The following VPS8 variants were observed in gnomAD, a reference collection of about 807,000 sequenced individuals.
VPS8 encodes vacuolar protein sorting-associated protein 8 homolog.
A neutral mutation model predicts 216.4 loss-of-function variants in VPS8; 129 were observed. The observed-to-expected ratio is 0.60, with a 90% CI of 0.52 to 0.69. VPS8 has a LOEUF of 0.69. Ranked by LOEUF, VPS8 falls within the 30% of genes least tolerant of loss-of-function variation. The pLI, the probability that VPS8 is intolerant of heterozygous loss-of-function variation, is 0.00. For synonymous variants in VPS8, 571 were observed against 565.4 expected (o/e 1.01, Z -0.14); for missense variants, 1,531 against 1,683.5 (o/e 0.91, Z 1.59).
chr3:184,907,553 T>C (rs1480939819), intron 25 of VPS8, among the ~76,000 whole-genome samples: 2 of 152,190 alleles, frequency 1.3e-5, no homozygotes, highest in East Asian at 1.9e-4. Context: ...CTTTCACAAG[T>C]CTCTCCCAGC....
In VPS8 at chr3:185,013,418, C is replaced by G. The variant is rs561481875; in HGVS notation, c.4003-10918C>G. On this transcript the variant is annotated intron_variant, in intron 45 of 47. Coordinates refer to ENST00000625842, the MANE Select transcript of VPS8 (RefSeq NM_001009921.3). ...CAACACAGATTAAAAGCACAAACAT[C>G]ATTGAAATCACAGACCTTCCAAGTG... Among the ~76,000 whole-genome samples, 8 of 152,368 alleles carry G rather than the reference C, an allele frequency of 5.3e-5. No homozygotes were observed. In the South Asian group the frequency reaches 1.5e-3, roughly 28 times the overall value.
At chr3:184,875,823 A>T (rs1211635815) in intron 21 of VPS8, among the ~76,000 whole-genome samples, 2 of 101,992 alleles carry the variant, frequency 2.0e-5, no homozygotes, top group Non-Finnish European at 4.4e-5. Context: ...TTGTCTCTAC[A>T]AAAAAAAAAA....
At chr3:184,947,889 T>C (rs1234731635) in intron 36 of VPS8, among the ~76,000 whole-genome samples, 1 of 152,200 alleles carries the variant, frequency 6.6e-6, no homozygotes, top group Non-Finnish European at 1.5e-5. Flanking sequence ...AAGCACACTT[T>C]AAACTTTTAA....
intron 36 of VPS8, among the ~76,000 whole-genome samples, chr3:184,940,709 G>A (rs1742527944): frequency 6.6e-6 from 1 of 152,082 alleles, no homozygotes; most frequent in African/African-American, 2.4e-5. Context: ...TGATGGTGTG[G>A]GAAGGAAAGT....
chr3:184,982,557 A>C lies in VPS8; in HGVS notation c.3421-9A>C. 1.9e-6 allele frequency: 3 copies of C among 1,596,226 alleles called. No homozygotes were observed. The highest frequency in any genetic ancestry group is 2.6e-6 in the Non-Finnish European group (3 of 1,173,170). ...TTTTCTTTTTCTTTGATTTTCTCTG[A>C]CATTATAGGCACTTTGGTTTCCGTT... is the stretch of plus-strand genomic sequence containing the variant. On this transcript the variant is annotated splice_polypyrimidine_tract_variant and intron_variant, in intron 40 of 47. Transcript: ENST00000625842.
At chr3:184,953,680 A>G (rs1485878813) in intron 36 of VPS8, among the ~76,000 whole-genome samples, 2 of 152,200 alleles carry the variant, frequency 1.3e-5, no homozygotes, top group Non-Finnish European at 2.9e-5. Context: ...TCTACAGGGA[A>G]TCAAACATCT....
chr3:184,869,579 G>A, intron 20 of VPS8, 51 bp downstream of exon 20: 1 of 1,586,330 alleles, frequency 6.3e-7, no homozygotes, highest in Non-Finnish European at 8.6e-7. Flanking sequence ...ATTTGCTTTT[G>A]TCATTTGCCA....
chr3:185,015,394 C>T (rs1755644867), intron 45 of VPS8, among the ~76,000 whole-genome samples: 1 of 152,198 alleles, frequency 6.6e-6, no homozygotes, highest in Non-Finnish European at 1.5e-5. Context: ...TGAGCATTTT[C>T]AATTAACTGT....
chr3:184,845,785 G>A (rs535986839), intron 8 of VPS8, among the ~76,000 whole-genome samples: 1 of 150,664 alleles, frequency 6.6e-6, no homozygotes, highest in African/African-American at 2.4e-5. Context: ...ATGTATGAAG[G>A]TACCAATAAG....
At chr3:184,972,505 C>T (rs1037978151) in intron 40 of VPS8, among the ~76,000 whole-genome samples, 2 of 152,216 alleles carry the variant, frequency 1.3e-5, no homozygotes, top group South Asian at 2.1e-4. Flanking sequence ...CTTGGTTGCA[C>T]ACTAGAGTCA....
intron 40 of VPS8, among the ~76,000 whole-genome samples, chr3:184,977,745 T>G (rs994089801): frequency 2.0e-5 from 2 of 99,902 alleles, no homozygotes; most frequent in Admixed American, 1.0e-4. Context: ...TTTTTTTTTT[T>G]GTCAACTTTT....
intron 45 of VPS8, among the ~76,000 whole-genome samples, chr3:185,023,589 C>A (rs1244236129): frequency 6.6e-6 from 1 of 151,918 alleles, no homozygotes. Flanking sequence ...ACCTGGGAGG[C>A]GGAGGTTGCA....
rs776740468 is a variant in VPS8, at chr3:184,983,107, G to C, written c.3585+13G>C. ...AAGAATCTTACAGGTGAGTTAAAAG[G>C]GGTGAATATTAAATATTGATTTCAA... is the stretch of plus-strand genomic sequence containing the variant. On this transcript the variant is annotated intron_variant, in intron 42 of 47. Coordinates refer to ENST00000625842, the MANE Select transcript of VPS8 (RefSeq NM_001009921.3). The C allele has an allele frequency of 6.3e-7, 1 of 1,580,216 alleles. No individual in the cohort carries two copies.
At chr3:184,815,093 AC>A (rs1716020673) in intron 1 of VPS8, among the ~76,000 whole-genome samples, 1 of 152,216 alleles carries the variant, frequency 6.6e-6, no homozygotes, top group Non-Finnish European at 1.5e-5. Flanking sequence ...AGAGGCAGTA[AC>A]ACATAGGGAA....
At position 184,868,959 on chromosome 3, in the gene VPS8, T is replaced by G; in HGVS notation, c.1520T>G (p.Leu507Arg). Residue 507 changes from leucine (L) to arginine (R), a missense_variant, in exon 19 of 48, where the codon CTC (leucine) becomes CGC (arginine). Around this residue, in one of 3 missense-constraint regions of VPS8, gnomAD observed 1,318 missense variants for 1,468.4 expected, o/e 0.90. Transcript: ENST00000625842. The stretch of plus-strand genomic sequence containing the variant: ...TTTCCGTTTTAGAGAGTGGATCATC[T>G]CCTGAAACAAGATTGTCTTACAGAA... ...LRSWRERVDHLLKQDCLTEAL... is the reference protein window; with the variant it reads ...LRSWRERVDHRLKQDCLTEAL... The G allele has an allele frequency of 6.2e-7, 1 of 1,608,852 alleles. No individual in the cohort carries two copies. Among genetic ancestry groups the G allele is most frequent in the African/African-American group, 1.3e-5 (1 of 74,988 alleles).
intron 36 of VPS8, among the ~76,000 whole-genome samples, chr3:184,941,029 A>G (rs1742588660): frequency 6.6e-6 from 1 of 152,208 alleles, no homozygotes; most frequent in African/African-American, 2.4e-5. Context: ...AGAGTTAAGC[A>G]TGGTTTACGT....
At chr3:184,838,835 A>G (rs1378954791) in intron 6 of VPS8, 89 bp downstream of exon 6, 2 of 1,032,022 alleles carry the variant, frequency 1.9e-6, no homozygotes, top group Non-Finnish European at 2.8e-6. Context: ...ATACTACATA[A>G]GTTGTTATGG....
intron 46 of VPS8, among the ~76,000 whole-genome samples, chr3:185,033,551 T>C (rs537315131): frequency 3.3e-5 from 5 of 152,368 alleles, no homozygotes; most frequent in Admixed American, 6.5e-5. Context: ...TAGTTGCTTC[T>C]ATGTTTTGAC....
intron 15 of VPS8, among the ~76,000 whole-genome samples, chr3:184,862,168 G>A (rs989437778): frequency 1.3e-5 from 2 of 152,240 alleles, no homozygotes; most frequent in East Asian, 3.9e-4. Context: ...GACGCACTTC[G>A]TTCTGGCGAC....
Sources: gnomAD v4.1 joint callset for allele counts (sites outside exome capture counted in the v4.1 genomes callset) on GRCh38, gnomAD v4.1.1 for gene constraint, gnomAD v4.1.1 regional missense constraint, MANE v1.5 for transcripts, NCBI Gene and HGNC (gene_info 2026-07-23, HGNC 2026-07-21) for gene names.